The following LITAF variants were observed in gnomAD, a reference collection of about 807,000 sequenced individuals.
LITAF encodes the protein lipopolysaccharide induced TNF factor, also known as lipopolysaccharide-induced tumor necrosis factor-alpha factor.
LITAF carries 9 observed loss-of-function variants against 14.5 expected under a neutral mutation model. That is an observed-to-expected ratio of 0.62 (90% CI 0.37 to 1.08). LITAF has a LOEUF of 1.08. Among genes scored for constraint, LITAF ranks in the 50% least tolerant of loss-of-function variants. The pLI is 0.01. For missense variants in LITAF, 206 were observed against 213.4 expected (o/e 0.97, Z 0.22); for synonymous variants, 98 against 88.2 (o/e 1.11, Z -0.62).
intron 3 of LITAF, among the ~76,000 whole-genome samples, chr16:11,628,430 C>T (rs1271767681): frequency 2.0e-5 from 3 of 152,180 alleles, no homozygotes; most frequent in Non-Finnish European, 2.9e-5. Flanking sequence ...AGGAGACATC[C>T]GGAGATCTTG....
rs1555470923 is a variant in LITAF, at chr16:11,585,245, AAAAG to A, written c.-6+1637_-6+1640del. 5.3e-5 allele frequency among the ~76,000 whole-genome samples: 8 copies of A among 151,208 alleles called. No individual in the cohort carries two copies. In the East Asian group the frequency reaches 1.6e-3, roughly 29 times the overall value. On this transcript the variant is annotated intron_variant, in intron 1 of 3. Coordinates refer to ENST00000622633, the MANE Select transcript of LITAF (RefSeq NM_001136472.2). ...GACTCTGTCTCAAAAAAAAAAAAAA[AAAAG>A]AAAGAAATTGATCCTACGTCTTAGA...
intron 3 of LITAF, among the ~76,000 whole-genome samples, chr16:11,615,445 G>C (rs957514199): frequency 3.9e-5 from 6 of 152,026 alleles, no homozygotes; most frequent in Non-Finnish European, 7.4e-5. Flanking sequence ...GCTGAGGCAG[G>C]AGAATCGCTT....
intron 1 of LITAF, among the ~76,000 whole-genome samples, chr16:11,571,367 G>A (rs1336657560): frequency 1.3e-5 from 2 of 152,084 alleles, no homozygotes; most frequent in Non-Finnish European, 2.9e-5. Flanking sequence ...GCGCCCAGTC[G>A]ACACATTGCA....
chr16:11,562,964 A>G (rs1445906740), intron 1 of LITAF, among the ~76,000 whole-genome samples: 1 of 151,866 alleles, frequency 6.6e-6, no homozygotes, highest in African/African-American at 2.4e-5. Flanking sequence ...ATTTTTTTTA[A>G]TTAAAAAATA....
chr16:11,619,323 C>CAA (rs577769909), intron 3 of LITAF, among the ~76,000 whole-genome samples: 1 of 135,976 alleles, frequency 7.4e-6, no homozygotes, highest in African/African-American at 2.7e-5. Flanking sequence ...AAACAAAAAA[C>CAA]AAAAAAAAAA....
At chr16:11,604,888 G>T (rs1047588359) in intron 3 of LITAF, among the ~76,000 whole-genome samples, 5 of 151,954 alleles carry the variant, frequency 3.3e-5, no homozygotes, top group African/African-American at 1.2e-4. Context: ...GAAGAGGCTG[G>T]GACCCACCCA....
At chr16:11,575,252 G>T (rs531783074) in intron 1 of LITAF, among the ~76,000 whole-genome samples, 9 of 152,288 alleles carry the variant, frequency 5.9e-5, no homozygotes, top group Non-Finnish European at 1.2e-4. Flanking sequence ...ACCAACAGGG[G>T]CAGATGTGGG....
chr16:11,630,747 GT>G, intron 3 of LITAF, among the ~76,000 whole-genome samples: 1 of 151,736 alleles, frequency 6.6e-6, no homozygotes, highest in African/African-American at 2.4e-5. Context: ...TCCAGATAAT[GT>G]TTTTATTTTA....
chr16:11,574,113 C>G (rs942344116), intron 1 of LITAF, among the ~76,000 whole-genome samples: 2 of 152,052 alleles, frequency 1.3e-5, no homozygotes, highest in African/African-American at 4.8e-5. Context: ...ATGATCATAG[C>G]TCATTGCAGC....
upstream of LITAF, among the ~76,000 whole-genome samples, chr16:11,589,619 CTTTT>C (rs60950577): frequency 2.2e-4 from 23 of 103,920 alleles, no homozygotes; most frequent in East Asian, 6.3e-3. Flanking sequence ...AAATCAGTTG[CTTTT>C]TTTTTTTTTT....
At chr16:11,594,433 C>T (rs1249255056) in intron 1 of LITAF, among the ~76,000 whole-genome samples, 1 of 152,050 alleles carries the variant, frequency 6.6e-6, no homozygotes, top group Non-Finnish European at 1.5e-5. Flanking sequence ...GATGCTTTTC[C>T]TCTGGGTGTA....
chr16:11,630,538 G>A (rs1420963985), intron 3 of LITAF, among the ~76,000 whole-genome samples: 4 of 150,704 alleles, frequency 2.7e-5, no homozygotes, highest in South Asian at 2.1e-4. Flanking sequence ...TCTCTCTGGC[G>A]GCAGTGCCTT....
At chr16:11,626,614 A>T (rs1193569680) in intron 3 of LITAF, among the ~76,000 whole-genome samples, 2 of 152,152 alleles carry the variant, frequency 1.3e-5, no homozygotes, top group Non-Finnish European at 1.5e-5. Flanking sequence ...CTGGGATTAC[A>T]GGCGTGAGCC....
At chr16:11,618,988 A>AC (rs978569084) in intron 3 of LITAF, among the ~76,000 whole-genome samples, 1 of 128,568 alleles carries the variant, frequency 7.8e-6, no homozygotes, top group African/African-American at 3.7e-5. Context: ...GTCTTAAAAA[A>AC]AAAACAAAAC....
intron 1 of LITAF, among the ~76,000 whole-genome samples, chr16:11,576,697 G>A (rs1426403686): frequency 6.6e-6 from 1 of 152,138 alleles, no homozygotes. Context: ...CTACTTCAAA[G>A]CCTCTGAGGA....
intron 1 of LITAF, among the ~76,000 whole-genome samples, chr16:11,580,483 C>G (rs2064715194): frequency 6.6e-6 from 1 of 152,124 alleles, no homozygotes; most frequent in Admixed American, 6.5e-5. Context: ...TTCTTGAACT[C>G]CTGACCTCAT....
chr16:11,579,915 A>T (rs8052803), intron 1 of LITAF, among the ~76,000 whole-genome samples: 24,748 of 152,158 alleles, frequency 0.16, 2,135 homozygotes, highest in South Asian at 0.23. Context: ...TTTGGCATAT[A>T]TTGAGCTGAT....
In LITAF at chr16:11,553,879, G is replaced by A. The variant is rs889264739; in HGVS notation, c.221-190C>T. ...GGAAGGAACACCAGTGTCCATCGAC[G>A]GACCAATAAACTAACACAGCGAAGT... On this transcript the variant is annotated intron_variant, in intron 2 of 3. Transcript: ENST00000622633. This position sits in a 1 kb window ranked among gnomAD's most constrained non-coding sequence, Gnocchi z 7.7. 12 of 615,374 alleles carry A rather than the reference G, an allele frequency of 2.0e-5. No individual in the cohort carries two copies. Among genetic ancestry groups the A allele is most frequent in the South Asian group, 7.3e-5 (4 of 54,554 alleles). The allele number at this position is 615,374 out of a possible 1,614,324, so 38.1% of individuals were successfully genotyped here. A position where few individuals can be genotyped will look rare whatever the true frequency, so the allele number is the denominator to read the frequency against.
chr16:11,600,446 A>G (rs1265605376), upstream of LITAF, among the ~76,000 whole-genome samples: 1 of 152,220 alleles, frequency 6.6e-6, no homozygotes, highest in Non-Finnish European at 1.5e-5. The surrounding 1 kb of genome is among the most constrained non-coding windows in gnomAD (Gnocchi z 4.1). Context: ...GCCTAGGCAG[A>G]TGGGCCGGGT....
Sources: gnomAD v4.1 joint callset for allele counts (sites outside exome capture counted in the v4.1 genomes callset) on GRCh38, gnomAD v4.1.1 for gene constraint, Gnocchi (gnomAD v3.1) non-coding constraint, MANE v1.5 for transcripts, NCBI Gene and HGNC (gene_info 2026-07-23, HGNC 2026-07-21) for gene names.